OXR1: variants seen among roughly 807,000 people sequenced by gnomAD.
OXR1 encodes oxidation resistance 1, also known as oxidation resistance protein 1.
Under a neutral mutation model 104.6 loss-of-function variants are expected in OXR1, and 41 were observed. The ratio of observed to expected loss-of-function variants is 0.39; its 90% CI spans 0.31 to 0.51. The LOEUF is 0.51. Ranked by LOEUF, OXR1 falls within the 20% of genes least tolerant of loss-of-function variation. The pLI, the probability that OXR1 is intolerant of heterozygous loss-of-function variation, is 0.77. For synonymous variants in OXR1, 348 were observed against 348.4 expected (o/e 1.00, Z 0.01); for missense variants, 955 against 1,031.9 (o/e 0.93, Z 1.02).
chr8:106,508,328 G>T (rs1205634148), intron 2 of OXR1, among the ~76,000 whole-genome samples: 1 of 152,200 alleles, frequency 6.6e-6, no homozygotes, highest in Non-Finnish European at 1.5e-5. Flanking sequence ...AGTGATTTCT[G>T]TAATGTAATT....
chr8:106,661,590 G>T (rs774945047), intron 3 of OXR1, among the ~76,000 whole-genome samples: 4 of 152,070 alleles, frequency 2.6e-5, no homozygotes, highest in Non-Finnish European at 5.9e-5. Context: ...AGATTATATT[G>T]TAATAAATAT....
At chr8:106,355,905 C>A (rs1461356155) in intron 1 of OXR1, among the ~76,000 whole-genome samples, 5 of 151,984 alleles carry the variant, frequency 3.3e-5, no homozygotes, top group Non-Finnish European at 7.4e-5. Flanking sequence ...AAAAACAATA[C>A]CCTGTCAAAG....
At chr8:106,618,144 T>G (rs763579403) in intron 3 of OXR1, 1 of 1,536,048 alleles carries the variant, frequency 6.5e-7, no homozygotes, top group South Asian at 1.2e-5. Flanking sequence ...CTGAGCAAGG[T>G]TCGAAGGAAG....
intron 3 of OXR1, among the ~76,000 whole-genome samples, chr8:106,547,044 C>T (rs142951134): frequency 1.2e-4 from 18 of 152,278 alleles, no homozygotes; most frequent in Admixed American, 1.0e-3. Context: ...GTGTGCACCA[C>T]CACGCCTAGC....
At chr8:106,449,880 A>G (rs1483395181) in intron 2 of OXR1, among the ~76,000 whole-genome samples, 6 of 151,998 alleles carry the variant, frequency 3.9e-5, no homozygotes, top group African/African-American at 1.4e-4. Context: ...CTCTCTGGGC[A>G]TGGAGAGCAC....
intron 3 of OXR1, among the ~76,000 whole-genome samples, chr8:106,677,216 A>C (rs1236191124): frequency 3.5e-5 from 3 of 86,684 alleles, no homozygotes; most frequent in Non-Finnish European, 7.1e-5. Flanking sequence ...AAATCATTTA[A>C]AAATTATTTA....
intron 3 of OXR1, among the ~76,000 whole-genome samples, chr8:106,567,810 T>A (rs1186231196): frequency 6.6e-6 from 1 of 152,158 alleles, no homozygotes; most frequent in Non-Finnish European, 1.5e-5. Context: ...CAGAATATCT[T>A]CAATTAAAAT....
intron 2 of OXR1, among the ~76,000 whole-genome samples, chr8:106,487,097 C>T (rs1178898099): frequency 1.3e-5 from 2 of 149,394 alleles, no homozygotes; most frequent in African/African-American, 4.9e-5. Flanking sequence ...GATCTCAGCT[C>T]ACTGCAAACT....
At chr8:106,585,354 CAGGTTATTTT>C in intron 3 of OXR1, among the ~76,000 whole-genome samples, 2 of 152,206 alleles carry the variant, frequency 1.3e-5, no homozygotes, top group Middle Eastern at 6.8e-3. Flanking sequence ...TAGTGCATCC[CAGGTTATTTT>C]ATTCACTATT....
At chr8:106,434,726 A>G (rs1417728671) in intron 2 of OXR1, among the ~76,000 whole-genome samples, 2 of 152,214 alleles carry the variant, frequency 1.3e-5, no homozygotes, top group African/African-American at 4.8e-5. Flanking sequence ...GCTAAGAAAA[A>G]TTAAAAATTT....
At chr8:106,363,998 G>T (rs1206808359) in intron 2 of OXR1, among the ~76,000 whole-genome samples, 1 of 151,782 alleles carries the variant, frequency 6.6e-6, no homozygotes, top group Non-Finnish European at 1.5e-5. Context: ...CCCAGATTTA[G>T]TTCCTCATAA....
Position 106,651,131 on chromosome 8 carries a change from T to C in OXR1, c.221-28079T>C, listed in dbSNP as rs1342832660. On this transcript the variant is annotated intron_variant, in intron 3 of 16. Coordinates refer to ENST00000517566, the MANE Select transcript of OXR1 (RefSeq NM_001198533.2). ...CCTCTTTGATGATCCTGCAAAACGG[T>C]AGTACCATTATTCGCTCCCCTACTA... 3.3e-5 allele frequency among the ~76,000 whole-genome samples: 5 copies of C among 152,184 alleles called. No individual in the cohort carries two copies. The East Asian group carries it at 7.7e-4, about 23-fold the overall frequency.
chr8:106,395,208 C>T (rs1268550294), intron 2 of OXR1, among the ~76,000 whole-genome samples: 2 of 151,972 alleles, frequency 1.3e-5, no homozygotes, highest in Non-Finnish European at 2.9e-5. Context: ...AAAATCACTA[C>T]CAGATAAAAG....
Position 106,635,863 on chromosome 8 carries a change from T to C in OXR1, c.221-43347T>C, listed in dbSNP as rs549390294. Among the ~76,000 whole-genome samples the C allele has an allele frequency of 8.3e-4, 126 of 152,340 alleles. 1 individual carries two copies. The highest frequency in any genetic ancestry group is 2.8e-3 in the African/African-American group (118 of 41,588). The stretch of plus-strand genomic sequence containing the variant: ...GATTTTTTACAATAGGACAAATTCA[T>C]TGGTCTGGGGCAGTTTTAGATATAG... On this transcript the variant is annotated intron_variant, in intron 3 of 16. Transcript: ENST00000517566.
chr8:106,624,702 TTGCTC>T (rs1822002425), intron 3 of OXR1, among the ~76,000 whole-genome samples: 1 of 152,212 alleles, frequency 6.6e-6, no homozygotes, highest in African/African-American at 2.4e-5. Flanking sequence ...TAACTTCACA[TTGCTC>T]TGCACTGTAA....
chr8:106,740,631 G>T (rs184382389), intron 14 of OXR1, 136 bp downstream of exon 14: 1 of 692,776 alleles, frequency 1.4e-6, no homozygotes, highest in Non-Finnish European at 2.4e-6. Flanking sequence ...CTTTTAATAT[G>T]CAAGGCAATG....
rs1344892231 is a variant in OXR1, at chr8:106,498,970, G to C, written c.24-19973G>C. On this transcript the variant is annotated intron_variant, in intron 2 of 16. Transcript: ENST00000517566. ...GAGGTCGGGAGATCGAGACCATCCT[G>C]GCTAACAAGGTGAAACCCCGTCTCT... Among the ~76,000 whole-genome samples, 4 of 20,102 alleles carry C rather than the reference G, an allele frequency of 2.0e-4. 2 individuals carry two copies. Among genetic ancestry groups the C allele is most frequent in the African/African-American group, 8.7e-4 (4 of 4,624 alleles). The allele number at this position is 20,102 out of a possible 152,430, so 13.2% of individuals were successfully genotyped here.
At chr8:106,511,038 C>T (rs1461364102) in intron 2 of OXR1, among the ~76,000 whole-genome samples, 1 of 152,198 alleles carries the variant, frequency 6.6e-6, no homozygotes, top group Non-Finnish European at 1.5e-5. Flanking sequence ...AGTATGGCCA[C>T]TGCAATTACT....
chr8:106,332,765 T>C (rs967977956), intron 1 of OXR1, among the ~76,000 whole-genome samples: 2 of 152,160 alleles, frequency 1.3e-5, no homozygotes, highest in South Asian at 4.1e-4. Context: ...TACCCATTAA[T>C]AGTCATTTCT....
Sources: allele counts gnomAD v4.1 joint callset (sites outside exome capture counted in the v4.1 genomes callset), GRCh38; gene constraint gnomAD v4.1.1; transcripts MANE v1.5; gene names NCBI Gene and HGNC (gene_info 2026-07-23, HGNC 2026-07-21).